The following CDH10 variants were observed in gnomAD, a reference collection of about 807,000 sequenced individuals.
CDH10 encodes cadherin 10, also known as cadherin-10.
CDH10 carries 30 observed loss-of-function variants against 73.1 expected under a neutral mutation model. The ratio of observed to expected loss-of-function variants is 0.41; its 90% CI spans 0.31 to 0.56. The LOEUF is 0.56. Ranked by LOEUF, CDH10 falls within the 20% of genes least tolerant of loss-of-function variation. The probability of loss-of-function intolerance (pLI) is 0.27; values close to 1 mark genes in which losing one functional copy is unlikely to be tolerated. For synonymous variants in CDH10, 345 were observed against 348.2 expected, an observed-to-expected ratio of 0.99 and a Z score of 0.10; for missense variants, 815 against 973.7, an observed-to-expected ratio of 0.84 and a Z score of 2.17.
At chr5:24,542,472 G>A (rs1579783295) in intron 2 of CDH10, among the ~76,000 whole-genome samples, 2 of 152,252 alleles carry the variant, frequency 1.3e-5, no homozygotes, top group Middle Eastern at 3.4e-3. Context: ...ACAGTACTCA[G>A]TAAAATAACA....
chr5:24,551,355 A>G (rs961000738), intron 2 of CDH10, among the ~76,000 whole-genome samples: 8 of 152,268 alleles, frequency 5.3e-5, no homozygotes, highest in Non-Finnish European at 8.8e-5. Flanking sequence ...TACTTTATAT[A>G]TTCTGATTTA....
chr5:24,531,456 A>G (rs1045525032), intron 5 of CDH10, among the ~76,000 whole-genome samples: 1 of 152,108 alleles, frequency 6.6e-6, no homozygotes, highest in Admixed American at 6.6e-5. Flanking sequence ...ATAAAGACAT[A>G]CACAAGACTG....
intron 7 of CDH10, among the ~76,000 whole-genome samples, chr5:24,507,736 G>T (rs1742749943): frequency 6.6e-6 from 1 of 151,822 alleles, no homozygotes; most frequent in African/African-American, 2.4e-5. Context: ...TTAGGCCTGT[G>T]TATTGGTTAT....
intron 1 of CDH10, among the ~76,000 whole-genome samples, chr5:24,601,366 A>G (rs990617523): frequency 2.0e-5 from 3 of 152,172 alleles, no homozygotes; most frequent in African/African-American, 7.2e-5. Context: ...AACTTGGGTC[A>G]CCAGATTCCC....
chr5:24,644,247 T>C (rs1221163736), intron 1 of CDH10, among the ~76,000 whole-genome samples: 1 of 152,122 alleles, frequency 6.6e-6, no homozygotes, highest in African/African-American at 2.4e-5. Flanking sequence ...ATTTTTAAAA[T>C]AAAAATGAAC....
intron 3 of CDH10, among the ~76,000 whole-genome samples, chr5:24,536,308 C>A (rs1354244760): frequency 6.6e-6 from 1 of 151,984 alleles, no homozygotes; most frequent in Non-Finnish European, 1.5e-5. Context: ...GTTCCATGAA[C>A]TACTAAAATC....
intron 2 of CDH10, among the ~76,000 whole-genome samples, chr5:24,572,018 ATT>A (rs767312907): frequency 6.6e-6 from 1 of 152,058 alleles, no homozygotes; most frequent in Non-Finnish European, 1.5e-5. Flanking sequence ...TTTATGTAAA[ATT>A]TTTCTGGTTT....
At chr5:24,619,869 G>A (rs903683337) in intron 1 of CDH10, among the ~76,000 whole-genome samples, 2 of 152,128 alleles carry the variant, frequency 1.3e-5, no homozygotes, top group African/African-American at 2.4e-5. Flanking sequence ...GGGCCTCGCC[G>A]TATACTGACT....
chr5:24,633,426 T>C (rs1347763998), intron 1 of CDH10, among the ~76,000 whole-genome samples: 1 of 151,908 alleles, frequency 6.6e-6, no homozygotes, highest in African/African-American at 2.4e-5. Context: ...GAACTTCCAA[T>C]GAACCCACTG....
intron 2 of CDH10, among the ~76,000 whole-genome samples, chr5:24,549,551 C>CTTTTTT (rs56094828): frequency 7.5e-6 from 1 of 133,484 alleles, no homozygotes; most frequent in African/African-American, 2.8e-5. Context: ...AATGGAATGA[C>CTTTTTT]TTTTTTTTTT....
At chr5:24,548,444 A>T (rs560814703) in intron 2 of CDH10, among the ~76,000 whole-genome samples, 1 of 143,592 alleles carries the variant, frequency 7.0e-6, no homozygotes, top group African/African-American at 2.6e-5. Context: ...CAGAGCTTCT[A>T]TGCTATAGTC....
chr5:24,572,935 G>GAAGAAAAAA (rs1745444037), intron 2 of CDH10, among the ~76,000 whole-genome samples: 1 of 72,118 alleles, frequency 1.4e-5, no homozygotes, highest in African/African-American at 5.5e-5. Context: ...CTTAGAAAAA[G>GAAGAAAAAA]AAAAAAAAAA....
chr5:24,512,998 CT>C (rs1554017638), intron 5 of CDH10, among the ~76,000 whole-genome samples: 1 of 41,030 alleles, frequency 2.4e-5, no homozygotes, highest in East Asian at 1.1e-3. Context: ...TTCTCTCTTT[CT>C]TTTCTTTTCT....
chr5:24,569,425 G>A (rs1031899649), intron 2 of CDH10, among the ~76,000 whole-genome samples: 3 of 151,758 alleles, frequency 2.0e-5, no homozygotes, highest in Non-Finnish European at 4.4e-5. Flanking sequence ...ATAAATCATA[G>A]GAATTTTAGA....
intron 2 of CDH10, among the ~76,000 whole-genome samples, chr5:24,568,898 T>C (rs964235010): frequency 6.6e-6 from 1 of 151,912 alleles, no homozygotes; most frequent in Non-Finnish European, 1.5e-5. Flanking sequence ...GATCACGAGG[T>C]CAGGAGTTCA....
chr5:24,621,370 T>C (rs1218788774), intron 1 of CDH10, among the ~76,000 whole-genome samples: 1 of 152,140 alleles, frequency 6.6e-6, no homozygotes, highest in African/African-American at 2.4e-5. Context: ...TCAAACAACC[T>C]TCTCAGCCAT....
At chr5:24,590,854 G>A (rs1166634910) in intron 2 of CDH10, among the ~76,000 whole-genome samples, 2 of 151,960 alleles carry the variant, frequency 1.3e-5, no homozygotes, top group Non-Finnish European at 2.9e-5. Flanking sequence ...GTTTCCATAT[G>A]TCTAGTGATT....
At chr5:24,526,524 C>G (rs1743539293) in intron 5 of CDH10, among the ~76,000 whole-genome samples, 1 of 151,816 alleles carries the variant, frequency 6.6e-6, no homozygotes, top group Non-Finnish European at 1.5e-5. Context: ...TCAAAATGCT[C>G]AAGTCCAGTT....
intron 2 of CDH10, among the ~76,000 whole-genome samples, chr5:24,560,746 AT>A (rs1744931800): frequency 2.0e-5 from 3 of 152,108 alleles, no homozygotes; most frequent in South Asian, 2.1e-4. Flanking sequence ...TTGTCAGTGT[AT>A]TTTTAGACCA....
Sources: allele counts gnomAD v4.1 joint callset (sites outside exome capture counted in the v4.1 genomes callset), GRCh38; gene constraint gnomAD v4.1.1; transcripts MANE v1.5; gene names NCBI Gene and HGNC (gene_info 2026-07-23, HGNC 2026-07-21).